SLC35F3: variants seen among roughly 807,000 people sequenced by gnomAD.
The protein encoded by SLC35F3 is putative thiamine transporter SLC35F3.
Under a neutral mutation model 49.9 loss-of-function variants are expected in SLC35F3, and 25 were observed. The observed-to-expected ratio is 0.50, with a 90% CI of 0.37 to 0.70. The LOEUF is 0.70. Among genes scored for constraint, SLC35F3 ranks in the 30% least tolerant of loss-of-function variants. The pLI is 0.00. For synonymous variants in SLC35F3, 275 were observed against 265.4 expected (o/e 1.04, Z -0.35); for missense variants, 525 against 639.8 (o/e 0.82, Z 1.94).
At chr1:234,049,907 G>C (rs1002871840) in intron 2 of SLC35F3, among the ~76,000 whole-genome samples, 21 of 152,086 alleles carry the variant, frequency 1.4e-4, no homozygotes, top group African/African-American at 4.8e-4. Flanking sequence ...CTGTCCTTGC[G>C]ATAGGTTGCT....
intron 3 of SLC35F3, among the ~76,000 whole-genome samples, chr1:234,275,296 G>A (rs1201578515): frequency 3.3e-5 from 5 of 149,890 alleles, no homozygotes; most frequent in Non-Finnish European, 5.9e-5. Flanking sequence ...CGTCCCCTGA[G>A]ATAACATCAT....
At chr1:233,986,531 A>G (rs1663268635) in intron 2 of SLC35F3, among the ~76,000 whole-genome samples, 1 of 152,094 alleles carries the variant, frequency 6.6e-6, no homozygotes, top group African/African-American at 2.4e-5. Flanking sequence ...ATGTTGTTAT[A>G]TATTATATAC....
At chr1:234,275,759 AAAAAATAT>A (rs1360913198) in intron 3 of SLC35F3, among the ~76,000 whole-genome samples, 146 of 137,058 alleles carry the variant, frequency 1.1e-3, no homozygotes, top group African/African-American at 4.0e-3. Context: ...ATTGAAAAAA[AAAAAATAT>A]ATATATATAT....
chr1:234,114,351 A>G (rs1053158172), intron 2 of SLC35F3, among the ~76,000 whole-genome samples: 1 of 152,246 alleles, frequency 6.6e-6, no homozygotes, highest in African/African-American at 2.4e-5. Flanking sequence ...TGCTGTTTTT[A>G]AAAGATTGCT....
At chr1:234,153,426 T>C (rs896220452) in intron 2 of SLC35F3, among the ~76,000 whole-genome samples, 4 of 151,898 alleles carry the variant, frequency 2.6e-5, no homozygotes, top group Admixed American at 2.6e-4. Context: ...CTGGGCAACA[T>C]AGCGAGACTC....
At chr1:234,137,350 G>GTGGTCAGGAA (rs1665826615) in intron 2 of SLC35F3, among the ~76,000 whole-genome samples, 1 of 152,344 alleles carries the variant, frequency 6.6e-6, no homozygotes, top group African/African-American at 2.4e-5. Flanking sequence ...GAGAGGCAAA[G>GTGGTCAGGAA]TGGTCAGGAA....
At position 233,905,527 on chromosome 1, in the gene SLC35F3, A is replaced by C; in HGVS notation, c.54-2A>C. 6.2e-7 allele frequency: 1 copy of C among 1,610,894 alleles called. No individual in the cohort carries two copies. ...ACCTGCCCGTGGCGCCTGCGACCGCAGTGGCATGAGGAGGTCACCGGACGT... is the reference window on the plus strand; with the variant it reads ...ACCTGCCCGTGGCGCCTGCGACCGCCGTGGCATGAGGAGGTCACCGGACGT... On this transcript the variant is annotated splice_acceptor_variant, in intron 1 of 7. Transcript: ENST00000366618. LOFTEE classifies it high-confidence loss of function.
intron 2 of SLC35F3, among the ~76,000 whole-genome samples, chr1:234,202,147 A>C (rs139844295): frequency 4.7e-4 from 72 of 152,362 alleles, no homozygotes; most frequent in African/African-American, 1.5e-3. Context: ...AAACTGATGC[A>C]GGAACAGAAA....
chr1:234,189,157 A>C (rs1666693495), intron 2 of SLC35F3, among the ~76,000 whole-genome samples: 1 of 152,004 alleles, frequency 6.6e-6, no homozygotes, highest in African/African-American at 2.4e-5. Flanking sequence ...GTTCTTTAAC[A>C]CCTCAAAAAA....
intron 2 of SLC35F3, among the ~76,000 whole-genome samples, chr1:234,147,211 A>C (rs986725771): frequency 2.7e-5 from 4 of 146,618 alleles, no homozygotes; most frequent in African/African-American, 5.1e-5. Context: ...GAAATTACAT[A>C]GTTTGCCCTT....
rs1491297627 is a variant in SLC35F3, at chr1:234,152,253, A to ATTATTATTATTATT, written c.284-79164_284-79163insTTATTATTATTATT. The stretch of plus-strand genomic sequence containing the variant: ...TTATTATTATTATTATTATTATTAT[A>ATTATTATTATTATT]CTTTAAATTCTGGGATACATGTGCA... On this transcript the variant is annotated intron_variant, in intron 2 of 7. Coordinates refer to ENST00000366618, the MANE Select transcript of SLC35F3 (RefSeq NM_173508.4). 8.3e-3 allele frequency among the ~76,000 whole-genome samples: 1,070 copies of ATTATTATTATTATT among 128,184 alleles called. 9 individuals are homozygous for ATTATTATTATTATT. The highest frequency in any genetic ancestry group is 0.028 in the African/African-American group (875 of 31,818). 84.1% of individuals were successfully genotyped at this position (128,184 alleles called of 152,430 possible).
chr1:234,316,559 C>A, intron 4 of SLC35F3, 43 bp from the exon 5 acceptor site: 1 of 1,578,638 alleles, frequency 6.3e-7, no homozygotes, highest in East Asian at 2.3e-5. Flanking sequence ...CCCTCTGACT[C>A]CGTCCCGACT....
intron 2 of SLC35F3, among the ~76,000 whole-genome samples, chr1:234,156,916 G>A (rs1018122592): frequency 6.6e-6 from 1 of 152,134 alleles, no homozygotes; most frequent in African/African-American, 2.4e-5. Flanking sequence ...TTAGGTAAGC[G>A]CAGAGAGACA....
chr1:234,082,161 C>G lies in SLC35F3; in HGVS notation c.284-149256C>G, dbSNP rs115086654. On this transcript the variant is annotated intron_variant, in intron 2 of 7. Transcript: ENST00000366618. ...AAACAGATTCCATAATAATTCATGT[C>G]TGCCAGCAGAAGTGTTCTTATAAAA... Among the ~76,000 whole-genome samples, 1,252 of 152,056 alleles carry G rather than the reference C, an allele frequency of 8.2e-3. 13 individuals carry two copies. Among genetic ancestry groups the G allele is most frequent in the African/African-American group, 0.029 (1,185 of 41,446 alleles).
intron 2 of SLC35F3, among the ~76,000 whole-genome samples, chr1:233,994,639 C>A (rs1387543942): frequency 2.0e-5 from 3 of 152,184 alleles, no homozygotes; most frequent in African/African-American, 7.2e-5. Flanking sequence ...TCTCCTTATT[C>A]CAGAATGCAG....
intron 2 of SLC35F3, among the ~76,000 whole-genome samples, chr1:233,980,144 T>C (rs889453668): frequency 1.3e-5 from 2 of 152,196 alleles, no homozygotes; most frequent in African/African-American, 2.4e-5. Flanking sequence ...GTGAAGAACA[T>C]AGAATATGCC....
intron 3 of SLC35F3, among the ~76,000 whole-genome samples, chr1:234,255,111 C>T (rs1463794973): frequency 6.6e-6 from 1 of 152,156 alleles, no homozygotes; most frequent in African/African-American, 2.4e-5. Context: ...ATTTACAAAA[C>T]ATCTGATGAA....
intron 3 of SLC35F3, among the ~76,000 whole-genome samples, chr1:234,266,198 C>T (rs577724451): frequency 6.6e-6 from 1 of 152,242 alleles, no homozygotes; most frequent in East Asian, 1.9e-4. Context: ...AGAATGAGCA[C>T]TCCATTTCTC....
At chr1:233,907,959 C>T (rs1661803130) in intron 2 of SLC35F3, among the ~76,000 whole-genome samples, 1 of 152,194 alleles carries the variant, frequency 6.6e-6, no homozygotes, top group Non-Finnish European at 1.5e-5. Flanking sequence ...CTCCTGACCT[C>T]AGGTTATCCA....
Sources: gnomAD v4.1 joint callset for allele counts (sites outside exome capture counted in the v4.1 genomes callset) on GRCh38, gnomAD v4.1.1 for gene constraint, MANE v1.5 for transcripts, NCBI Gene and HGNC (gene_info 2026-07-23, HGNC 2026-07-21) for gene names.